RFTN1: variants seen among roughly 807,000 people sequenced by gnomAD.
RFTN1 encodes raftlin.
A neutral mutation model predicts 46.5 loss-of-function variants in RFTN1; 26 were observed. The ratio of observed to expected loss-of-function variants is 0.56; its 90% CI spans 0.41 to 0.78. RFTN1 has a LOEUF of 0.78. Ranked by LOEUF, RFTN1 falls within the 30% of genes least tolerant of loss-of-function variation. The pLI is 0.00. For missense variants in RFTN1, 693 were observed against 718.7 expected (o/e 0.96, Z 0.41); for synonymous variants, 261 against 284.2 (o/e 0.92, Z 0.82).
At chr3:16,477,391 G>A (rs1356373532) in intron 2 of RFTN1, among the ~76,000 whole-genome samples, 1 of 152,088 alleles carries the variant, frequency 6.6e-6, no homozygotes, top group Non-Finnish European at 1.5e-5. Flanking sequence ...ACAGCAAGAA[G>A]ACACAAGAAA....
rs1272551461 is a variant in RFTN1 at position 16,391,858 on chromosome 3, G to GTTTTT, written c.442-13761_442-13757dup. 8.3e-3 allele frequency among the ~76,000 whole-genome samples: 407 copies of GTTTTT among 49,118 alleles called. 87 individuals are homozygous for GTTTTT. The highest frequency in any genetic ancestry group is 0.017 in the East Asian group (11 of 636). The allele number at this position is 49,118 out of a possible 152,430, so 32.2% of individuals were successfully genotyped here. On this transcript the variant is annotated intron_variant, in intron 4 of 9. Transcript: ENST00000334133. ...TAGAGATTATCATTCTAGTGCAAAG[G>GTTTTT]TTTTTTTTTTGTTTTTTTTTTTTGT...
intron 4 of RFTN1, among the ~76,000 whole-genome samples, chr3:16,405,801 G>A (rs910581514): frequency 6.6e-6 from 1 of 152,156 alleles, no homozygotes; most frequent in Non-Finnish European, 1.5e-5. Context: ...TGTCCTGCAT[G>A]ATGGTACTAT....
Position 16,433,374 on chromosome 3 carries a change from T to C in RFTN1, c.332+477A>G, listed in dbSNP as rs916860476. 6.6e-6 allele frequency among the ~76,000 whole-genome samples: 1 copy of C among 152,136 alleles called. No homozygotes were observed. Among genetic ancestry groups the C allele is most frequent in the Admixed American group, 6.5e-5 (1 of 15,282 alleles). On this transcript the variant is annotated intron_variant, in intron 3 of 9. Coordinates refer to ENST00000334133, the MANE Select transcript of RFTN1 (RefSeq NM_015150.2). This position sits in a 1 kb window ranked among gnomAD's most constrained non-coding sequence, Gnocchi z 4.4. ...ATTTAGGTGGTGTTTATTTTTTGTATTTTTTTAACTGTCAAGTGATTGACA... is the reference window on the plus strand; with the variant it reads ...ATTTAGGTGGTGTTTATTTTTTGTACTTTTTTAACTGTCAAGTGATTGACA...
intron 2 of RFTN1, among the ~76,000 whole-genome samples, chr3:16,462,399 A>T (rs1018796542): frequency 6.6e-6 from 1 of 152,250 alleles, no homozygotes; most frequent in Non-Finnish European, 1.5e-5. Context: ...CTTATATAAC[A>T]AAGGATGTGA....
chr3:16,493,695 C>T (rs757348732), intron 2 of RFTN1, 30 bp downstream of exon 2: 6 of 1,598,148 alleles, frequency 3.8e-6, no homozygotes, highest in Non-Finnish European at 5.1e-6. Context: ...ACCCCACCTG[C>T]CCCCATCCAT....
At chr3:16,454,096 C>A (rs2075864334) in intron 2 of RFTN1, among the ~76,000 whole-genome samples, 1 of 152,212 alleles carries the variant, frequency 6.6e-6, no homozygotes, top group African/African-American at 2.4e-5. Flanking sequence ...CCCTAGATGA[C>A]AAGGCTGCCA....
chr3:16,443,140 A>G lies in RFTN1; in HGVS notation c.146-9103T>C, dbSNP rs975512514. Reference sequence around the variant, plus strand: ...TATTTCTATTTTTAATTTTTGATGAACCTCCATATTGTTTTCTATAATGGC... The same window carrying G: ...TATTTCTATTTTTAATTTTTGATGAGCCTCCATATTGTTTTCTATAATGGC... On this transcript the variant is annotated intron_variant, in intron 2 of 9. Transcript: ENST00000334133. The surrounding 1 kb of genome is among the most constrained non-coding windows in gnomAD (Gnocchi z 5.5). 6.6e-6 allele frequency among the ~76,000 whole-genome samples: 1 copy of G among 152,050 alleles called. No homozygotes were observed. The highest frequency in any genetic ancestry group is 2.4e-5 in the African/African-American group (1 of 41,380).
At chr3:16,408,606 C>G (rs777370818) in intron 4 of RFTN1, among the ~76,000 whole-genome samples, 22 of 143,024 alleles carry the variant, frequency 1.5e-4, no homozygotes, top group Admixed American at 4.3e-4. Flanking sequence ...AGGCACAAAA[C>G]CTCATATGGT....
At chr3:16,318,077 G>A (rs2068623716) in intron 9 of RFTN1, among the ~76,000 whole-genome samples, 1 of 152,186 alleles carries the variant, frequency 6.6e-6, no homozygotes, top group African/African-American at 2.4e-5. Flanking sequence ...AGGGAAGTCA[G>A]GGGCTCAGAG....
chr3:16,436,358 A>ATTT (rs61519479), intron 2 of RFTN1, among the ~76,000 whole-genome samples: 2 of 125,150 alleles, frequency 1.6e-5, no homozygotes, highest in Non-Finnish European at 3.7e-5. Flanking sequence ...GAAAAAAAAA[A>ATTT]TTTTTTTTTT....
At chr3:16,477,197 T>A (rs201333140) in intron 2 of RFTN1, among the ~76,000 whole-genome samples, 17,196 of 152,228 alleles carry the variant, frequency 0.11, 1,048 homozygotes, top group Middle Eastern at 0.17. Context: ...AATTATTTGG[T>A]TTTTTTCCTG....
intron 2 of RFTN1, among the ~76,000 whole-genome samples, chr3:16,486,509 C>T (rs2076448921): frequency 6.6e-6 from 1 of 152,226 alleles, no homozygotes; most frequent in Non-Finnish European, 1.5e-5. Context: ...TGATCCCTCC[C>T]ACAAGTTGTC....
At position 16,387,733 on chromosome 3, in the gene RFTN1, C is replaced by T. The variant is rs371501242; in HGVS notation, c.442-9631G>A. Reference sequence around the variant, plus strand: ...AGCCTCGTCCACCCACCCGCCTCACCGACTCCACCTCCACTCACTCTCTAG... The same window carrying T: ...AGCCTCGTCCACCCACCCGCCTCACTGACTCCACCTCCACTCACTCTCTAG... On this transcript the variant is annotated intron_variant, in intron 4 of 9. Coordinates refer to ENST00000334133, the MANE Select transcript of RFTN1 (RefSeq NM_015150.2). This position sits in a 1 kb window ranked among gnomAD's most constrained non-coding sequence, Gnocchi z 5.2. 8.4e-4 allele frequency among the ~76,000 whole-genome samples: 128 copies of T among 152,166 alleles called. 1 individual carries two copies. Among genetic ancestry groups the T allele is most frequent in the African/African-American group, 2.7e-3 (110 of 41,508 alleles).
intron 2 of RFTN1, among the ~76,000 whole-genome samples, chr3:16,477,682 T>A (rs921429403): frequency 9.9e-5 from 15 of 152,242 alleles, no homozygotes; most frequent in Non-Finnish European, 2.2e-4. Flanking sequence ...GGGAGGGCTC[T>A]GCTGCCCACA....
At chr3:16,495,312 A>G (rs1391168619) in intron 1 of RFTN1, among the ~76,000 whole-genome samples, 1 of 152,266 alleles carries the variant, frequency 6.6e-6, no homozygotes. Flanking sequence ...AGCAGAAAAG[A>G]AATGGACAAG....
intron 6 of RFTN1, among the ~76,000 whole-genome samples, chr3:16,367,704 G>A (rs1024112058): frequency 3.9e-5 from 6 of 152,316 alleles, no homozygotes; most frequent in African/African-American, 1.4e-4. Context: ...TGAAGAAAAA[G>A]CTGCTTAAGT....
rs2076351737 is a variant in RFTN1 at position 16,480,711 on chromosome 3, C to T, written c.145+13014G>A. Among the ~76,000 whole-genome samples the T allele has an allele frequency of 6.6e-6, 1 of 151,996 alleles. No homozygotes were observed. The highest frequency in any genetic ancestry group is 6.5e-5 in the Admixed American group (1 of 15,272). ...GTCAAACTATAAAATGACAGTGGAC[C>T]CAGTGAAATTAGAGAAAGCTTAAAA... is the stretch of plus-strand genomic sequence containing the variant. On this transcript the variant is annotated intron_variant, in intron 2 of 9. Coordinates refer to ENST00000334133, the MANE Select transcript of RFTN1 (RefSeq NM_015150.2). This position sits in a 1 kb window ranked among gnomAD's most constrained non-coding sequence, Gnocchi z 4.3.
At chr3:16,491,803 G>T (rs1414626104) in intron 2 of RFTN1, among the ~76,000 whole-genome samples, 2 of 151,858 alleles carry the variant, frequency 1.3e-5, no homozygotes, top group African/African-American at 4.8e-5. Flanking sequence ...ACTGCAAATG[G>T]GAGAAAAAAG....
chr3:16,383,522 C>T lies in RFTN1; in HGVS notation c.442-5420G>A, dbSNP rs1478273773. ...AGTCACAAGTCATTGTAAAAAAAAT[C>T]TTTGGTTATATATTTGAGGAATTAT... On this transcript the variant is annotated intron_variant, in intron 4 of 9. Coordinates refer to ENST00000334133, the MANE Select transcript of RFTN1 (RefSeq NM_015150.2). The surrounding 1 kb of genome is among the most constrained non-coding windows in gnomAD (Gnocchi z 4.0). 6.6e-6 allele frequency among the ~76,000 whole-genome samples: 1 copy of T among 152,030 alleles called. No individual in the cohort carries two copies. Among genetic ancestry groups the T allele is most frequent in the Non-Finnish European group, 1.5e-5 (1 of 68,016 alleles).
Sources: allele counts gnomAD v4.1 joint callset (sites outside exome capture counted in the v4.1 genomes callset), GRCh38; gene constraint gnomAD v4.1.1; non-coding constraint Gnocchi (gnomAD v3.1); transcripts MANE v1.5; gene names NCBI Gene and HGNC (gene_info 2026-07-23, HGNC 2026-07-21).